ROBO2: variants seen among roughly 807,000 people sequenced by gnomAD.
ROBO2 encodes roundabout homolog 2.
Under a neutral mutation model 160.8 loss-of-function variants are expected in ROBO2, and 53 were observed. The observed-to-expected ratio is 0.33, with a 90% CI of 0.26 to 0.41. The LOEUF is 0.41. ROBO2 is among the 10% of genes least tolerant of loss of function. The pLI, the probability that ROBO2 is intolerant of heterozygous loss-of-function variation, is 1.00. For missense variants in ROBO2, 1,577 were observed against 1,722.4 expected (o/e 0.92, Z 1.49); for synonymous variants, 664 against 611.7 (o/e 1.09, Z -1.26).
chr3:77,355,879 A>G (rs2069042850), intron 2 of ROBO2, among the ~76,000 whole-genome samples: 1 of 151,986 alleles, frequency 6.6e-6, no homozygotes, highest in Non-Finnish European at 1.5e-5. Context: ...GTATTGATGT[A>G]CACACTGTAT....
intron 2 of ROBO2, among the ~76,000 whole-genome samples, chr3:76,687,239 G>T (rs2092704379): frequency 6.6e-6 from 1 of 152,008 alleles, no homozygotes; most frequent in African/African-American, 2.4e-5. Flanking sequence ...GCTACCTGGG[G>T]TCAAATTCCT....
chr3:76,705,290 A>G lies in ROBO2; in HGVS notation c.110-392724A>G, dbSNP rs138066434. Among the ~76,000 whole-genome samples, 126 of 152,302 alleles carry G rather than the reference A, an allele frequency of 8.3e-4. No individual in the cohort carries two copies. In the East Asian group the frequency reaches 0.016, roughly 19 times the overall value. ...ATATATCCCAGTTGCCTAGAGTAAT[A>G]CAATGTATAGTAATACAATATAGCT... On this transcript the variant is annotated intron_variant, in intron 2 of 26. Coordinates refer to the ROBO2 transcript ENST00000487694.
At chr3:76,631,832 G>A (rs2090051387) in intron 2 of ROBO2, among the ~76,000 whole-genome samples, 1 of 152,108 alleles carries the variant, frequency 6.6e-6, no homozygotes, top group African/African-American at 2.4e-5. Context: ...TTAAGTACTG[G>A]CGGATGTGTA....
rs139864317 is a variant in ROBO2 at position 76,237,557 on chromosome 3, A to G, written c.109+299955A>G. On this transcript the variant is annotated intron_variant, in intron 2 of 26. Transcript: ENST00000487694. ...TTGAGACTTCCTGACTGTTCAATCTAGGAATGACTTAAAAAAGAAGCTCAA... is the reference window on the plus strand; with the variant it reads ...TTGAGACTTCCTGACTGTTCAATCTGGGAATGACTTAAAAAAGAAGCTCAA... Among the ~76,000 whole-genome samples, 1,230 of 152,272 alleles carry G rather than the reference A, an allele frequency of 8.1e-3. 5 individuals carry two copies. Among genetic ancestry groups the G allele is most frequent in the South Asian group, 0.019 (93 of 4,830 alleles).
At chr3:76,511,554 A>G (rs1292453983) in intron 2 of ROBO2, among the ~76,000 whole-genome samples, 2 of 152,374 alleles carry the variant, frequency 1.3e-5, no homozygotes, top group East Asian at 3.9e-4. Flanking sequence ...AGTAAACATA[A>G]AACACTTTTT....
chr3:75,935,657 C>T (rs1469252319), intron 1 of ROBO2, among the ~76,000 whole-genome samples: 1 of 152,084 alleles, frequency 6.6e-6, no homozygotes, highest in Non-Finnish European at 1.5e-5. Context: ...ACTAATAATT[C>T]TGTTGCCTTA....
At chr3:77,646,195 C>A in exon 26 of ROBO2, 1 of 512,302 alleles carries the variant, frequency 2.0e-6, no homozygotes, top group Non-Finnish European at 3.5e-6. Flanking sequence ...AGACACACAG[C>A]CACACATATC....
intron 2 of ROBO2, among the ~76,000 whole-genome samples, chr3:77,272,073 A>T (rs961194033): frequency 6.6e-6 from 1 of 152,194 alleles, no homozygotes; most frequent in Non-Finnish European, 1.5e-5. Flanking sequence ...TGTGAGTAAA[A>T]ATACTATTTT....
At chr3:77,291,165 C>T (rs1167288955) in intron 2 of ROBO2, among the ~76,000 whole-genome samples, 1 of 145,578 alleles carries the variant, frequency 6.9e-6, no homozygotes, top group African/African-American at 2.6e-5. Context: ...GAAGTTGAGG[C>T]TAGAACAGTA....
intron 2 of ROBO2, among the ~76,000 whole-genome samples, chr3:77,450,311 A>G (rs1402127815): frequency 6.6e-6 from 1 of 152,126 alleles, no homozygotes; most frequent in Admixed American, 6.6e-5. Flanking sequence ...AATGTTTTCT[A>G]GTAAGGGAAG....
At chr3:77,464,951 CTG>C (rs2153575042) in intron 2 of ROBO2, among the ~76,000 whole-genome samples, 1 of 152,248 alleles carries the variant, frequency 6.6e-6, no homozygotes, top group East Asian at 1.9e-4. Context: ...ATTACTGAAT[CTG>C]TATATAACAT....
intron 2 of ROBO2, among the ~76,000 whole-genome samples, chr3:76,039,964 A>T (rs1196431399): frequency 1.3e-5 from 2 of 152,002 alleles, no homozygotes; most frequent in African/African-American, 4.8e-5. Flanking sequence ...GGGCCATATT[A>T]TTGCTGTGTT....
chr3:77,487,619 T>C (rs538115747), intron 4 of ROBO2, among the ~76,000 whole-genome samples: 1 of 152,266 alleles, frequency 6.6e-6, no homozygotes, highest in East Asian at 1.9e-4. Flanking sequence ...ACCTCATACA[T>C]GCCCAGTTAA....
At chr3:76,868,957 T>C (rs2071679330) in intron 2 of ROBO2, among the ~76,000 whole-genome samples, 1 of 152,196 alleles carries the variant, frequency 6.6e-6, no homozygotes, top group African/African-American at 2.4e-5. Context: ...TAACTAGATA[T>C]GCCTCCCCCA....
intron 2 of ROBO2, among the ~76,000 whole-genome samples, chr3:77,295,814 TA>T (rs1372840451): frequency 7.7e-6 from 1 of 129,756 alleles, no homozygotes; most frequent in African/African-American, 3.0e-5. Flanking sequence ...GCTAGAGCAC[TA>T]AAGACATAAA....
intron 2 of ROBO2, among the ~76,000 whole-genome samples, chr3:76,602,408 T>C (rs902635872): frequency 2.6e-4 from 40 of 152,218 alleles, no homozygotes; most frequent in African/African-American, 8.9e-4. Context: ...TTCATGCTGC[T>C]GATAAAGGCA....
intron 2 of ROBO2, among the ~76,000 whole-genome samples, chr3:76,882,063 G>GT (rs757369230): frequency 6.7e-6 from 1 of 149,724 alleles, no homozygotes; most frequent in Non-Finnish European, 1.5e-5. Context: ...GATCACCACT[G>GT]TGTCTGTTGG....
intron 1 of ROBO2, among the ~76,000 whole-genome samples, chr3:77,094,097 A>G (rs1410656801): frequency 1.3e-5 from 2 of 152,178 alleles, no homozygotes; most frequent in Non-Finnish European, 2.9e-5. Flanking sequence ...TATTTTCATC[A>G]TCCCTAAAGA....
chr3:76,398,311 T>A (rs13087768), intron 2 of ROBO2, among the ~76,000 whole-genome samples: 25,425 of 143,030 alleles, frequency 0.18, 2,651 homozygotes, highest in African/African-American at 0.29. Flanking sequence ...AACATCACAC[T>A]CTGGGGACTG....
Sources: allele counts gnomAD v4.1 joint callset (sites outside exome capture counted in the v4.1 genomes callset), GRCh38; gene constraint gnomAD v4.1.1; transcripts MANE v1.5; gene names NCBI Gene and HGNC (gene_info 2026-07-23, HGNC 2026-07-21).